The following SCNN1G variants were observed in gnomAD, a reference collection of about 807,000 sequenced individuals.
SCNN1G encodes the protein epithelial sodium channel subunit gamma.
Under a neutral mutation model 64.6 loss-of-function variants are expected in SCNN1G, and 27 were observed. The observed-to-expected ratio is 0.42, with a 90% CI of 0.31 to 0.58. The LOEUF (loss-of-function observed/expected upper bound fraction) is 0.58, where lower values mean the gene tolerates loss of function less well. Ranked by LOEUF, SCNN1G falls within the 20% of genes least tolerant of loss-of-function variation. SCNN1G has a pLI of 0.18. For synonymous variants in SCNN1G, 330 were observed against 314.2 expected (o/e 1.05, Z -0.53); for missense variants, 743 against 823.4 (o/e 0.90, Z 1.19).
intron 5 of SCNN1G, 64 bp downstream of exon 5, chr16:23,194,338 C>A: frequency 9.0e-7 from 1 of 1,115,074 alleles, no homozygotes; most frequent in Non-Finnish European, 1.4e-6. Flanking sequence ...GGCAGCAGGA[C>A]AGTGGGGATG....
chr16:23,202,792 G>A (rs1250262215), intron 6 of SCNN1G, among the ~76,000 whole-genome samples: 1 of 152,214 alleles, frequency 6.6e-6, no homozygotes, highest in African/African-American at 2.4e-5. Flanking sequence ...GGCTTGGGCA[G>A]GGAGATGGAG....
At chr16:23,191,777 A>T (rs1014794400) in intron 3 of SCNN1G, among the ~76,000 whole-genome samples, 4 of 152,196 alleles carry the variant, frequency 2.6e-5, no homozygotes, top group Non-Finnish European at 5.9e-5. Flanking sequence ...TTTGTGTGAT[A>T]AGAACATTTG....
chr16:23,198,874 G>C (rs561279275), intron 6 of SCNN1G, among the ~76,000 whole-genome samples: 1 of 152,010 alleles, frequency 6.6e-6, no homozygotes, highest in Admixed American at 6.5e-5. Flanking sequence ...GGGCAACATA[G>C]CAAGACCCCA....
chr16:23,210,064 A>G (rs546556025), intron 7 of SCNN1G, among the ~76,000 whole-genome samples: 27 of 152,296 alleles, frequency 1.8e-4, no homozygotes, highest in Admixed American at 7.8e-4. Context: ...TTTCTGTGGA[A>G]CTCAATGTAC....
chr16:23,188,333 G>GC (rs1334275772), intron 2 of SCNN1G, among the ~76,000 whole-genome samples: 1 of 151,658 alleles, frequency 6.6e-6, no homozygotes, highest in Non-Finnish European at 1.5e-5. Flanking sequence ...ACAGAGCAAG[G>GC]CCCCCTCTCT....
intron 1 of SCNN1G, 131 bp downstream of exon 1, chr16:23,182,944 G>C (rs1057128173): frequency 1.3e-5 from 2 of 152,304 alleles, no homozygotes; most frequent in Non-Finnish European, 2.9e-5. Flanking sequence ...GCGGCTTCCC[G>C]GTGCCCGGGA....
chr16:23,209,095 T>C (rs1289178177), intron 6 of SCNN1G, among the ~76,000 whole-genome samples: 1 of 152,142 alleles, frequency 6.6e-6, no homozygotes, highest in Non-Finnish European at 1.5e-5. Context: ...CTTCAAGCCT[T>C]TCCTGTTTGC....
intron 3 of SCNN1G, among the ~76,000 whole-genome samples, chr16:23,191,371 T>C (rs1358239022): frequency 6.6e-6 from 1 of 152,178 alleles, no homozygotes; most frequent in East Asian, 1.9e-4. Flanking sequence ...TCTTCTTGGG[T>C]CCTTTCATGG....
At chr16:23,191,646 G>A (rs775261929) in intron 3 of SCNN1G, among the ~76,000 whole-genome samples, 11 of 152,168 alleles carry the variant, frequency 7.2e-5, no homozygotes, top group South Asian at 2.1e-4. Context: ...GGCTGGTCTC[G>A]AATTCCTGGC....
chr16:23,193,049 G>T (rs930412319), intron 4 of SCNN1G, among the ~76,000 whole-genome samples: 2 of 124,350 alleles, frequency 1.6e-5, no homozygotes, highest in Non-Finnish European at 3.2e-5. Context: ...AGCCTGGGCT[G>T]CAGAGTGAGA....
intron 11 of SCNN1G, 103 bp from the exon 12 acceptor site, chr16:23,214,609 C>A: frequency 2.2e-6 from 2 of 895,940 alleles, no homozygotes; most frequent in Non-Finnish European, 3.7e-6. Flanking sequence ...AGCTCAGTGC[C>A]TTGGCCATGC....
At chr16:23,195,505 A>G (rs941257782) in intron 5 of SCNN1G, among the ~76,000 whole-genome samples, 7 of 152,204 alleles carry the variant, frequency 4.6e-5, no homozygotes, top group African/African-American at 1.7e-4. Context: ...GGCCTGTCAT[A>G]AAGGAAATCC....
rs72647526 is a variant in SCNN1G, at chr16:23,212,769, C to T, written c.1373+13C>T. On this transcript the variant is annotated intron_variant, in intron 9 of 12. Transcript: ENST00000300061. ...AGGAAGCCTGCAGGTATGTGGACCC[C>T]AAGGGGTGAGACGGGTGGCTGGGTT... 1.1e-5 allele frequency: 17 copies of T among 1,613,816 alleles called. No homozygotes were observed. The highest frequency in any genetic ancestry group is 1.4e-5 in the Non-Finnish European group (17 of 1,179,802).
At chr16:23,194,752 A>G (rs1044623512) in intron 5 of SCNN1G, 3 of 201,030 alleles carry the variant, frequency 1.5e-5, no homozygotes, top group Non-Finnish European at 3.1e-5. Context: ...AAGCGGGACT[A>G]ATAATAGTAT....
Position 23,215,328 on chromosome 16 carries a change from C to G in SCNN1G, c.1809C>G (p.Pro603=). ...NPALDIDDDL[P]TFNSALHLPP... ...CCCTGGATATAGACGATGACCTACC[C>G]ACTTTCAACTCTGCTTTGCACCTGC... Residue 603 remains proline (P), a synonymous_variant, in exon 13 of 13, where the codon CCC becomes CCG. Transcript: ENST00000300061. 6.2e-7 allele frequency: 1 copy of G among 1,614,202 alleles called. No homozygotes were observed.
intron 3 of SCNN1G, among the ~76,000 whole-genome samples, chr16:23,191,876 G>GT: frequency 6.6e-6 from 1 of 152,308 alleles, no homozygotes; most frequent in Non-Finnish European, 1.5e-5. Context: ...GAAGGATGGT[G>GT]TTTCAGTCAA....
At chr16:23,185,112 G>T (rs1387499257) in intron 1 of SCNN1G, among the ~76,000 whole-genome samples, 1 of 152,158 alleles carries the variant, frequency 6.6e-6, no homozygotes, top group African/African-American at 2.4e-5. Flanking sequence ...GGTGAAGGCT[G>T]CAGGGTTCCA....
At chr16:23,209,959 T>C (rs1960053363) in intron 7 of SCNN1G, 111 bp downstream of exon 7, 1 of 778,344 alleles carries the variant, frequency 1.3e-6, no homozygotes, top group Non-Finnish European at 2.3e-6. Context: ...TGAGGATCCC[T>C]GGGGTTCATC....
chr16:23,200,519 G>C (rs1959871343), intron 6 of SCNN1G, among the ~76,000 whole-genome samples: 1 of 152,174 alleles, frequency 6.6e-6, no homozygotes, highest in Non-Finnish European at 1.5e-5. Context: ...ATTAGGGCTT[G>C]GATATCCGCC....
Sources: allele counts gnomAD v4.1 joint callset (sites outside exome capture counted in the v4.1 genomes callset), GRCh38; gene constraint gnomAD v4.1.1; transcripts MANE v1.5; gene names NCBI Gene and HGNC (gene_info 2026-07-23, HGNC 2026-07-21).